Variants in RBFOX1 observed in about 807,000 individuals in gnomAD.
RBFOX1 encodes RNA binding fox-1 homolog 1.
RBFOX1 carries 8 observed loss-of-function variants against 57.7 expected under a neutral mutation model. The observed-to-expected ratio is 0.14, with a 90% CI of 0.08 to 0.25. RBFOX1 has a LOEUF of 0.25. RBFOX1 is among the 10% of genes least tolerant of loss of function. RBFOX1 has a pLI of 1.00. For synonymous variants in RBFOX1, 326 were observed against 222.4 expected, an observed-to-expected ratio of 1.47 and a Z score of -4.15; for missense variants, 611 against 548.5, an observed-to-expected ratio of 1.11 and a Z score of -1.14.
At chr16:6,463,821 C>T (rs2094976796) in intron 2 of RBFOX1, among the ~76,000 whole-genome samples, 1 of 152,142 alleles carries the variant, frequency 6.6e-6, no homozygotes, top group South Asian at 2.1e-4. Context: ...ACTAAACAAT[C>T]CCCACTGTTA....
At chr16:6,031,434 C>G (rs766753806) in intron 1 of RBFOX1, among the ~76,000 whole-genome samples, 3 of 152,198 alleles carry the variant, frequency 2.0e-5, no homozygotes, top group African/African-American at 7.2e-5. Flanking sequence ...AAGATCTTAA[C>G]TAGTACCATC....
chr16:7,267,298 G>T (rs371386582), intron 4 of RBFOX1, among the ~76,000 whole-genome samples: 1 of 152,120 alleles, frequency 6.6e-6, no homozygotes, highest in Admixed American at 6.5e-5. Context: ...ACTTTCGGAG[G>T]CCAAAGGGGG....
chr16:6,960,709 C>T (rs2082784161), intron 3 of RBFOX1, among the ~76,000 whole-genome samples: 1 of 152,078 alleles, frequency 6.6e-6, no homozygotes, highest in African/African-American at 2.4e-5. Flanking sequence ...GGCCCACTCT[C>T]TGTACTGTCT....
chr16:7,303,634 C>A (rs1270490573), intron 4 of RBFOX1, among the ~76,000 whole-genome samples: 2 of 152,116 alleles, frequency 1.3e-5, no homozygotes, highest in African/African-American at 2.4e-5. Flanking sequence ...GAAAAAAAAT[C>A]TTTCCCCTGG....
At chr16:7,216,683 C>G (rs143639463) in intron 4 of RBFOX1, among the ~76,000 whole-genome samples, 1 of 151,838 alleles carries the variant, frequency 6.6e-6, no homozygotes, top group Admixed American at 6.6e-5. Flanking sequence ...AAAAAACCCA[C>G]AAACAAACCG....
At chr16:7,571,021 G>A (rs1388342767) in intron 5 of RBFOX1, among the ~76,000 whole-genome samples, 3 of 152,190 alleles carry the variant, frequency 2.0e-5, no homozygotes, top group Non-Finnish European at 4.4e-5. Flanking sequence ...TCATAAGTGG[G>A]AGCAGGACAG....
intron 4 of RBFOX1, among the ~76,000 whole-genome samples, chr16:7,192,641 G>C (rs887497564): frequency 1.3e-5 from 2 of 152,308 alleles, no homozygotes; most frequent in African/African-American, 4.8e-5. Context: ...AGACAGTTTA[G>C]ATCATAGTAT....
At chr16:7,495,740 A>G (rs574485136) in intron 4 of RBFOX1, among the ~76,000 whole-genome samples, 1 of 152,318 alleles carries the variant, frequency 6.6e-6, no homozygotes, top group Non-Finnish European at 1.5e-5. Context: ...TTAAGACTAC[A>G]CATTGGGTAC....
intron 1 of RBFOX1, among the ~76,000 whole-genome samples, chr16:5,450,526 G>A (rs745405935): frequency 1.2e-4 from 19 of 152,178 alleles, no homozygotes; most frequent in Non-Finnish European, 2.2e-4. Flanking sequence ...ATCAAAAGGC[G>A]TTGGCGCTGC....
intron 3 of RBFOX1, among the ~76,000 whole-genome samples, chr16:6,686,700 C>T (rs1002120178): frequency 6.6e-6 from 1 of 152,118 alleles, no homozygotes; most frequent in Non-Finnish European, 1.5e-5. Context: ...TAAGGGAACG[C>T]AATTGTGAGA....
chr16:5,523,830 C>T (rs2044124073), intron 2 of RBFOX1, among the ~76,000 whole-genome samples: 1 of 152,124 alleles, frequency 6.6e-6, no homozygotes, highest in South Asian at 2.1e-4. Context: ...AGAGAACAAG[C>T]CGCAGCGGCC....
chr16:6,916,466 G>A (rs774030342), intron 3 of RBFOX1, among the ~76,000 whole-genome samples: 17 of 151,962 alleles, frequency 1.1e-4, no homozygotes, highest in African/African-American at 2.2e-4. Context: ...TTTGGTTAAC[G>A]AAATAAATAG....
At chr16:6,301,672 A>G (rs1429219155) in intron 1 of RBFOX1, among the ~76,000 whole-genome samples, 1 of 152,208 alleles carries the variant, frequency 6.6e-6, no homozygotes, top group Non-Finnish European at 1.5e-5. Context: ...CTACTCTTAA[A>G]AAAAGGAAAA....
chr16:7,498,811 C>G (rs1174284771), intron 4 of RBFOX1, among the ~76,000 whole-genome samples: 1 of 152,158 alleles, frequency 6.6e-6, no homozygotes, highest in Non-Finnish European at 1.5e-5. Context: ...TTAAAGCTCT[C>G]TGACTAGGAT....
intron 1 of RBFOX1, among the ~76,000 whole-genome samples, chr16:6,166,197 C>G (rs1027004669): frequency 6.6e-6 from 1 of 152,160 alleles, no homozygotes; most frequent in South Asian, 2.1e-4. Flanking sequence ...AAATAGGACA[C>G]CAGACCTATT....
chr16:7,253,807 C>T (rs139160954), intron 4 of RBFOX1, among the ~76,000 whole-genome samples: 4 of 152,144 alleles, frequency 2.6e-5, no homozygotes, highest in Admixed American at 2.6e-4. Context: ...GGAATCTTTT[C>T]CTTGTGTCTC....
intron 2 of RBFOX1, among the ~76,000 whole-genome samples, chr16:6,469,710 C>G (rs2095131549): frequency 6.6e-6 from 1 of 152,166 alleles, no homozygotes; most frequent in African/African-American, 2.4e-5. Context: ...ATGCATGTAA[C>G]TTGAGTAAGA....
intron 1 of RBFOX1, among the ~76,000 whole-genome samples, chr16:5,249,706 C>T (rs1180368721): frequency 6.6e-6 from 1 of 152,228 alleles, no homozygotes; most frequent in Non-Finnish European, 1.5e-5. Flanking sequence ...TGGTGGCTCA[C>T]ACCTGTATTC....
chr16:7,099,726 AG>A (rs2062341289), intron 4 of RBFOX1, among the ~76,000 whole-genome samples: 1 of 152,164 alleles, frequency 6.6e-6, no homozygotes, highest in Non-Finnish European at 1.5e-5. Context: ...GGACACTTCA[AG>A]GAGGAAGGTG....
Sources: allele counts gnomAD v4.1 joint callset (sites outside exome capture counted in the v4.1 genomes callset), GRCh38; gene constraint gnomAD v4.1.1; transcripts MANE v1.5; gene names NCBI Gene and HGNC (gene_info 2026-07-23, HGNC 2026-07-21).